FMN1: variants seen among roughly 807,000 people sequenced by gnomAD.
FMN1 encodes the protein formin-1.
FMN1 carries 110 observed loss-of-function variants against 132.4 expected under a neutral mutation model. The ratio of observed to expected loss-of-function variants is 0.83; its 90% CI spans 0.71 to 0.97. The LOEUF is 0.97. Among genes scored for constraint, FMN1 ranks in the 50% least tolerant of loss-of-function variants. FMN1 has a pLI of 0.00. For missense variants in FMN1, 1,792 were observed against 1,705.3 expected (o/e 1.05, Z -0.90); for synonymous variants, 722 against 651.7 (o/e 1.11, Z -1.64).
rs1021197048 is a variant in FMN1, at chr15:32,916,943, A to G, written c.3227-6408T>C. On this transcript the variant is annotated intron_variant, in intron 10 of 20. Coordinates refer to ENST00000616417, the MANE Select transcript of FMN1 (RefSeq NM_001277313.2). ...GTTTTTTGAAACTCTCATGTCACCT[A>G]TATCCCACAAAACTCTGACAAACCT... Among the ~76,000 whole-genome samples, 9 of 152,158 alleles carry G rather than the reference A, an allele frequency of 5.9e-5. No homozygotes were observed. The East Asian group carries it at 9.6e-4, about 16-fold the overall frequency.
intron 5 of FMN1, among the ~76,000 whole-genome samples, chr15:33,075,663 T>A (rs942427096): frequency 6.6e-6 from 1 of 152,164 alleles, no homozygotes; most frequent in East Asian, 1.9e-4. Context: ...CCAACTCAGT[T>A]ATTTGAGAGA....
intron 7 of FMN1, among the ~76,000 whole-genome samples, chr15:33,000,162 G>A (rs2034009292): frequency 6.6e-6 from 1 of 152,186 alleles, no homozygotes; most frequent in Non-Finnish European, 1.5e-5. Flanking sequence ...AAAAACGGGA[G>A]GCAGTGGCTG....
chr15:33,071,383 T>C (rs2037993674), intron 5 of FMN1, among the ~76,000 whole-genome samples: 1 of 152,180 alleles, frequency 6.6e-6, no homozygotes, highest in African/African-American at 2.4e-5. Flanking sequence ...GCCCCTACCA[T>C]TCTCCTTCAT....
chr15:32,852,434 A>T (rs978094013), intron 17 of FMN1, among the ~76,000 whole-genome samples: 19 of 152,232 alleles, frequency 1.2e-4, no homozygotes, highest in South Asian at 4.2e-4. Context: ...CTAAGGCTGG[A>T]GTACGGAGAA....
intron 9 of FMN1, among the ~76,000 whole-genome samples, chr15:32,937,979 T>C (rs1400574246): frequency 6.6e-6 from 1 of 152,226 alleles, no homozygotes; most frequent in Non-Finnish European, 1.5e-5. Context: ...ACTTAGATCT[T>C]TCTGAGATTG....
chr15:32,930,001 T>G (rs2061068590), intron 9 of FMN1, among the ~76,000 whole-genome samples: 1 of 140,224 alleles, frequency 7.1e-6, no homozygotes, highest in Non-Finnish European at 1.5e-5. Context: ...TTTTTTTTTT[T>G]TTTTTTGAGC....
At chr15:32,928,792 C>A (rs1247097488) in intron 9 of FMN1, among the ~76,000 whole-genome samples, 1 of 152,162 alleles carries the variant, frequency 6.6e-6, no homozygotes, top group South Asian at 2.1e-4. Flanking sequence ...CAAATGAACA[C>A]GCACCAAGCT....
At chr15:33,009,401 A>G (rs2034586590) in intron 6 of FMN1, among the ~76,000 whole-genome samples, 1 of 152,166 alleles carries the variant, frequency 6.6e-6, no homozygotes, top group Admixed American at 6.5e-5. Context: ...GAGTGAAATC[A>G]GAGCTCTCTG....
intron 9 of FMN1, among the ~76,000 whole-genome samples, chr15:32,947,048 G>T (rs201837839): frequency 1.3e-5 from 2 of 152,100 alleles, no homozygotes; most frequent in East Asian, 3.9e-4. Context: ...TCATGTCAAT[G>T]ATTTTATTTT....
chr15:32,811,254 T>C (rs1388377881), intron 17 of FMN1: 2 of 365,848 alleles, frequency 5.5e-6, no homozygotes, highest in African/African-American at 2.1e-5. Context: ...TTAGTTTTCC[T>C]GGTTGTGGTG....
intron 7 of FMN1, among the ~76,000 whole-genome samples, chr15:32,975,720 C>G (rs927455745): frequency 6.6e-6 from 1 of 152,016 alleles, no homozygotes; most frequent in East Asian, 1.9e-4. Flanking sequence ...GATAAGAATT[C>G]TCTTCACAGT....
intron 17 of FMN1, among the ~76,000 whole-genome samples, chr15:32,855,437 T>C (rs2059109529): frequency 6.6e-6 from 1 of 152,172 alleles, no homozygotes; most frequent in African/African-American, 2.4e-5. Context: ...TTGGGAGCCC[T>C]AGTAGAGAAG....
In FMN1 at chr15:32,862,056, C is replaced by T. The variant is rs1040758364; in HGVS notation, c.3836-4949G>A. On this transcript the variant is annotated intron_variant, in intron 16 of 20. Transcript: ENST00000616417. ...CTCCGACGGTCCCCACAGAGCCACGCGCCCCGGAGGCCAGGCAGCTTGCCT... is the reference window on the plus strand; with the variant it reads ...CTCCGACGGTCCCCACAGAGCCACGTGCCCCGGAGGCCAGGCAGCTTGCCT... 4.3e-4 allele frequency among the ~76,000 whole-genome samples: 66 copies of T among 152,252 alleles called. 1 individual carries two copies. Among genetic ancestry groups the T allele is most frequent in the Admixed American group, 6.5e-4 (10 of 15,302 alleles).
At chr15:32,980,816 C>T (rs2032592749) in intron 7 of FMN1, among the ~76,000 whole-genome samples, 1 of 152,132 alleles carries the variant, frequency 6.6e-6, no homozygotes, top group Admixed American at 6.5e-5. Context: ...AGTTCAAGAT[C>T]AGCCTGGCCA....
At chr15:33,041,541 A>AT (rs1407679543) in intron 6 of FMN1, among the ~76,000 whole-genome samples, 4 of 151,842 alleles carry the variant, frequency 2.6e-5, no homozygotes, top group African/African-American at 9.7e-5. Flanking sequence ...TTACAATCTG[A>AT]TTAAAAAATA....
rs1484827827 is a variant in FMN1 at position 32,929,060 on chromosome 15, CTT to C, written c.3139-2801_3139-2800del. ...CCATGCTTGGAATTTTGTCGAATGA[CTT>C]GGCACAACCAGGTATTTGCTGAGTG... On this transcript the variant is annotated intron_variant, in intron 9 of 20. Coordinates refer to ENST00000616417, the MANE Select transcript of FMN1 (RefSeq NM_001277313.2). 2.0e-5 allele frequency among the ~76,000 whole-genome samples: 3 copies of C among 152,328 alleles called. No homozygotes were observed. In the East Asian group the frequency reaches 5.8e-4, roughly 29 times the overall value.
intron 16 of FMN1, among the ~76,000 whole-genome samples, chr15:32,877,468 G>A (rs1596153977): frequency 6.6e-6 from 1 of 152,112 alleles, no homozygotes; most frequent in African/African-American, 2.4e-5. Flanking sequence ...GGATTTTTCA[G>A]TTGTTCTAAT....
chr15:33,000,289 C>A (rs1404895492), intron 7 of FMN1, among the ~76,000 whole-genome samples: 1 of 151,826 alleles, frequency 6.6e-6, no homozygotes, highest in East Asian at 1.9e-4. Flanking sequence ...CTCTACTAAA[C>A]ATACAAAAAA....
At chr15:33,160,064 A>G (rs571378700) in intron 3 of FMN1, among the ~76,000 whole-genome samples, 1 of 152,318 alleles carries the variant, frequency 6.6e-6, no homozygotes, top group South Asian at 2.1e-4. Flanking sequence ...GCCCAGAAGT[A>G]TGGGAAAGAT....
Sources: gnomAD v4.1 joint callset for allele counts (sites outside exome capture counted in the v4.1 genomes callset) on GRCh38, gnomAD v4.1.1 for gene constraint, MANE v1.5 for transcripts, NCBI Gene and HGNC (gene_info 2026-07-23, HGNC 2026-07-21) for gene names.